CARM1: variants seen among roughly 807,000 people sequenced by gnomAD.
CARM1 encodes the protein coactivator associated arginine methyltransferase 1.
A neutral mutation model predicts 72.7 loss-of-function variants in CARM1; 14 were observed. The ratio of observed to expected loss-of-function variants is 0.19; its 90% confidence interval spans 0.13 to 0.30. The LOEUF is 0.30. Ranked by LOEUF, CARM1 falls within the 10% of genes least tolerant of loss-of-function variation. The pLI is 1.00. For synonymous variants in CARM1, 333 were observed against 345.5 expected, an observed-to-expected ratio of 0.96 and a Z score of 0.40; for missense variants, 432 against 833.7, an observed-to-expected ratio of 0.52 and a Z score of 5.93.
chr19:10,906,582 C>T (rs964743665), intron 2 of CARM1, among the ~76,000 whole-genome samples: 14 of 152,160 alleles, frequency 9.2e-5, no homozygotes, highest in African/African-American at 2.4e-4. Flanking sequence ...CCTGCCTCAG[C>T]GCCCTGAGTA....
chr19:10,921,883 G>C lies in CARM1; in HGVS notation c.*126G>C, dbSNP rs916545755. 1.3e-5 allele frequency: 12 copies of C among 953,392 alleles called. No individual in the cohort carries two copies. The African/African-American group carries it at 1.8e-4, about 15-fold the overall frequency. The allele number at this position is 953,392 out of a possible 1,614,324, so 59.1% of individuals were successfully genotyped here. On this transcript the variant is annotated 3_prime_UTR_variant, in exon 16 of 16. Coordinates refer to ENST00000327064, the MANE Select transcript of CARM1 (RefSeq NM_199141.2). Reference sequence around the variant, plus strand: ...ACCCGGTCACAGCTCTCTTTGCTATGGGAACTGGGACACTTTTTTACACGA... The same window carrying C: ...ACCCGGTCACAGCTCTCTTTGCTATCGGAACTGGGACACTTTTTTACACGA...
Position 10,920,035 on chromosome 19 carries a change from C to G in CARM1, c.1196+69C>G. On this transcript the variant is annotated intron_variant, in intron 10 of 15. Transcript: ENST00000327064. This position sits in a 1 kb window ranked among gnomAD's most constrained non-coding sequence, Gnocchi z 5.3. ...AGGGCTTCCTGCAGCTGCAACCTGG[C>G]TGGGGGGGTGGAACATGGCTCCAGG... The G allele has an allele frequency of 8.0e-7, 1 of 1,242,968 alleles. No homozygotes were observed. The highest frequency in any genetic ancestry group is 1.2e-5 in the South Asian group (1 of 82,262). 77.0% of individuals were successfully genotyped at this position (1,242,968 alleles called of 1,614,324 possible).
intron 14 of CARM1, 85 bp downstream of exon 14, chr19:10,921,212 C>G: frequency 6.8e-7 from 1 of 1,478,010 alleles, no homozygotes; most frequent in Non-Finnish European, 9.4e-7. Flanking sequence ...TGACCAGGGT[C>G]GGCCTCTGCT....
chr19:10,876,444 C>T lies in CARM1; in HGVS notation c.220+4522C>T, dbSNP rs1472230171. Among the ~76,000 whole-genome samples, 6 of 152,282 alleles carry T rather than the reference C, an allele frequency of 3.9e-5. No individual in the cohort carries two copies. In the South Asian group the frequency reaches 6.2e-4, roughly 16 times the overall value. On this transcript the variant is annotated intron_variant, in intron 1 of 15. Transcript: ENST00000327064. ...GGGCTGCCCCGCTGTCTTGGCTCAC[C>T]GGCCATGGGAGGGAGTCCTGGGCCA...
chr19:10,920,947 G>A lies in CARM1; in HGVS notation c.1537+1G>A. The stretch of plus-strand genomic sequence containing the variant: ...CTCAGCAGCGGGATGGCCGTGGCAG[G>A]TGAGCAGGGCCCACCCCAATGCCCA... On this transcript the variant is annotated splice_donor_variant, in intron 13 of 15. Transcript: ENST00000327064. LOFTEE classifies it high-confidence loss of function. This position sits in a 1 kb window ranked among gnomAD's most constrained non-coding sequence, Gnocchi z 5.3. 6.2e-7 allele frequency: 1 copy of A among 1,614,066 alleles called. No homozygotes were observed. Among genetic ancestry groups the A allele is most frequent in the Non-Finnish European group, 8.5e-7 (1 of 1,179,896 alleles).
intron 1 of CARM1, among the ~76,000 whole-genome samples, 164 bp downstream of exon 1, chr19:10,872,086 G>A (rs553023549): frequency 2.0e-5 from 3 of 152,140 alleles, no homozygotes; most frequent in South Asian, 4.1e-4. Flanking sequence ...CGGTGCCAGG[G>A]GACAGACAGA....
chr19:10,906,335 A>G (rs1021537455), intron 2 of CARM1, among the ~76,000 whole-genome samples: 59 of 152,362 alleles, frequency 3.9e-4, no homozygotes, highest in Admixed American at 1.6e-3. Flanking sequence ...TAAAATCTAC[A>G]TAACAAAATG....
In CARM1 at chr19:10,916,747, G is replaced by T. The variant is rs201878531; in HGVS notation, c.990G>T (p.Ala330=). ...GVDLSALRGA[A]VDEYFRQPVV... ...ACCTGTCGGCCCTCCGAGGTGCCGC[G>T]GTGGATGAGTATTTCCGGCAGCCTG... Residue 330 remains alanine (A), a synonymous_variant, in exon 8 of 16, where the codon GCG becomes GCT. Coordinates refer to ENST00000327064, the MANE Select transcript of CARM1 (RefSeq NM_199141.2). This position sits in a 1 kb window ranked among gnomAD's most constrained non-coding sequence, Gnocchi z 4.4. 1.0e-4 allele frequency: 160 copies of T among 1,552,176 alleles called. No individual in the cohort carries two copies. In the South Asian group the frequency reaches 1.5e-3, roughly 15 times the overall value.
At chr19:10,888,736 T>C (rs1436528953) in intron 1 of CARM1, among the ~76,000 whole-genome samples, 1 of 152,244 alleles carries the variant, frequency 6.6e-6, no homozygotes, top group Admixed American at 6.5e-5. Context: ...CTGCTGTCTC[T>C]TTTGTAGTGC....
chr19:10,909,780 C>G (rs2074134004), intron 4 of CARM1, among the ~76,000 whole-genome samples: 1 of 152,002 alleles, frequency 6.6e-6, no homozygotes, highest in Non-Finnish European at 1.5e-5. Context: ...GCAAGAAAAA[C>G]AAATGCATTT....
At chr19:10,880,778 A>G (rs1184090992) in intron 1 of CARM1, among the ~76,000 whole-genome samples, 1 of 152,176 alleles carries the variant, frequency 6.6e-6, no homozygotes, top group Non-Finnish European at 1.5e-5. Flanking sequence ...GTGACTGTGG[A>G]TGAGCCTCTG....
chr19:10,894,157 C>T (rs11670365), intron 1 of CARM1, among the ~76,000 whole-genome samples: 10,666 of 152,314 alleles, frequency 0.07, 401 homozygotes, highest in Middle Eastern at 0.085. Context: ...CATCAGCTTC[C>T]GTGCTTTCCC....
At chr19:10,908,190 C>A in intron 3 of CARM1, 45 bp downstream of exon 3, 2 of 1,288,970 alleles carry the variant, frequency 1.6e-6, no homozygotes, top group Non-Finnish European at 2.3e-6. Context: ...CCCCGGCAGC[C>A]CCCCTGCCAC....
At position 10,889,104 on chromosome 19, in the gene CARM1, C is replaced by T. The variant is rs139329240; in HGVS notation, c.221-15847C>T. On this transcript the variant is annotated intron_variant, in intron 1 of 15. Coordinates refer to ENST00000327064, the MANE Select transcript of CARM1 (RefSeq NM_199141.2). ...CTCCAGAGCCCACCTAGATGGGGCACGCATTGAGTGCTCTGTCTCCTGAGA... is the reference window on the plus strand; with the variant it reads ...CTCCAGAGCCCACCTAGATGGGGCATGCATTGAGTGCTCTGTCTCCTGAGA... 6.0e-3 allele frequency among the ~76,000 whole-genome samples: 920 copies of T among 152,276 alleles called. 3 individuals are homozygous for T. Among genetic ancestry groups the T allele is most frequent in the Middle Eastern group, 0.017 (5 of 294 alleles).
intron 2 of CARM1, among the ~76,000 whole-genome samples, chr19:10,906,603 C>T (rs938345996): frequency 7.2e-5 from 11 of 152,288 alleles, no homozygotes; most frequent in Admixed American, 6.5e-5. Flanking sequence ...GCCGGGATTA[C>T]AGGCACGTGC....
chr19:10,886,603 G>T (rs953827682), intron 1 of CARM1, among the ~76,000 whole-genome samples: 49 of 152,004 alleles, frequency 3.2e-4, no homozygotes, highest in South Asian at 8.3e-4. Context: ...TGAGGCAGGT[G>T]GATCACAAGG....
Position 10,905,764 on chromosome 19 carries a change from G to A in CARM1, c.346+688G>A, listed in dbSNP as rs1368736802. ...CTGTGCAGTGACCCAGATGTACCTT[G>A]GGCAGCCTGAGCCCTCGGGGCCAGC... is the stretch of plus-strand genomic sequence containing the variant. On this transcript the variant is annotated intron_variant, in intron 2 of 15. Transcript: ENST00000327064. Among the ~76,000 whole-genome samples the A allele has an allele frequency of 3.5e-4, 53 of 151,792 alleles. 1 individual carries two copies. The highest frequency in any genetic ancestry group is 1.3e-4 in the Non-Finnish European group (9 of 67,946).
intron 2 of CARM1, among the ~76,000 whole-genome samples, chr19:10,905,337 C>T (rs1568352872): frequency 2.0e-5 from 3 of 152,264 alleles, no homozygotes; most frequent in African/African-American, 7.2e-5. Flanking sequence ...GAGGCCCATC[C>T]TGACCACCTG....
chr19:10,888,656 A>G (rs560228377), intron 1 of CARM1, among the ~76,000 whole-genome samples: 28 of 152,206 alleles, frequency 1.8e-4, no homozygotes, highest in African/African-American at 6.5e-4. Flanking sequence ...TACCCTCCAC[A>G]ACCCCATGCT....
Sources: allele counts gnomAD v4.1 joint callset (sites outside exome capture counted in the v4.1 genomes callset), GRCh38; gene constraint gnomAD v4.1.1; non-coding constraint Gnocchi (gnomAD v3.1); transcripts MANE v1.5; gene names NCBI Gene and HGNC (gene_info 2026-07-23, HGNC 2026-07-21).